The following MAGI3 variants were observed in gnomAD, a reference collection of about 807,000 sequenced individuals.
The protein encoded by MAGI3 is membrane-associated guanylate kinase, WW and PDZ domain-containing protein 3.
MAGI3 carries 43 observed loss-of-function variants against 121.8 expected under a neutral mutation model. The observed-to-expected ratio is 0.35, with a 90% CI of 0.28 to 0.46. The LOEUF (loss-of-function observed/expected upper bound fraction) is 0.46, where lower values mean the gene tolerates loss of function less well. Ranked by LOEUF, MAGI3 falls within the 20% of genes least tolerant of loss-of-function variation. The pLI is 1.00. For synonymous variants in MAGI3, 553 were observed against 639.3 expected (o/e 0.86, Z 2.04); for missense variants, 1,547 against 1,797.3 (o/e 0.86, Z 2.52).
At position 113,426,807 on chromosome 1, in the gene MAGI3, A is replaced by G. The variant is rs1360187022; in HGVS notation, c.316+35458A>G. ...TGGACCAAGTTCTTGTAGACAGCCT[A>G]TAGTTTGTTCATCTTTTTTGTATGC... On this transcript the variant is annotated intron_variant, in intron 1 of 20. Transcript: ENST00000307546. Among the ~76,000 whole-genome samples, 3 of 152,102 alleles carry G rather than the reference A, an allele frequency of 2.0e-5. 1 individual carries two copies. The highest frequency in any genetic ancestry group is 4.1e-4 in the South Asian group (2 of 4,830).
intron 6 of MAGI3, among the ~76,000 whole-genome samples, chr1:113,602,290 C>T (rs2101754530): frequency 6.6e-6 from 1 of 152,012 alleles, no homozygotes; most frequent in African/African-American, 2.4e-5. Context: ...TGGAATAAAA[C>T]TAGAAATCAA....
intron 7 of MAGI3, chr1:113,618,406 C>T (rs1650611382): frequency 2.8e-6 from 1 of 351,348 alleles, no homozygotes; most frequent in African/African-American, 2.3e-5. Context: ...TTTATATGTA[C>T]ATTTTGTAAT....
At chr1:113,404,331 A>C (rs1651562795) in intron 1 of MAGI3, 1 of 152,184 alleles carries the variant, frequency 6.6e-6, no homozygotes, top group Non-Finnish European at 1.5e-5. Flanking sequence ...TTTTGAAGTG[A>C]GTTGGCTGTA....
At chr1:113,521,043 A>G (rs973432493) in intron 1 of MAGI3, among the ~76,000 whole-genome samples, 10 of 151,432 alleles carry the variant, frequency 6.6e-5, no homozygotes, top group Non-Finnish European at 1.3e-4. Context: ...CATCACAAAC[A>G]TTTTAGTAAC....
rs770203824 is a variant in MAGI3, at chr1:113,683,317, G to A, written c.3749G>A (p.Arg1250Lys). Residue 1250 changes from arginine (R) to lysine (K), a missense_variant, in exon 21 of 21, where the codon AGA (arginine) becomes AAA (lysine). Transcript: ENST00000307546. ...PSPLKNNPKR[R>K]PRDQSLSPSK... ...CCTCTAAAAAATAACCCCAAAAGAAGACCCAGAGATCAATCCCTCAGCCCC... is the reference window on the plus strand; with the variant it reads ...CCTCTAAAAAATAACCCCAAAAGAAAACCCAGAGATCAATCCCTCAGCCCC... 5.6e-6 allele frequency: 9 copies of A among 1,612,796 alleles called. No individual in the cohort carries two copies. Among genetic ancestry groups the A allele is most frequent in the African/African-American group, 2.7e-5 (2 of 74,724 alleles).
At chr1:113,569,179 TAAAAG>T (rs1002307486) in intron 2 of MAGI3, among the ~76,000 whole-genome samples, 2 of 152,130 alleles carry the variant, frequency 1.3e-5, no homozygotes, top group Non-Finnish European at 2.9e-5. Flanking sequence ...GTAAATAAAA[TAAAAG>T]AACACAACTG....
chr1:113,457,699 G>A (rs1654825694), intron 1 of MAGI3, among the ~76,000 whole-genome samples: 1 of 151,688 alleles, frequency 6.6e-6, no homozygotes, highest in African/African-American at 2.4e-5. Flanking sequence ...AATAAGCTGT[G>A]TATAAATAAG....
At chr1:113,656,009 C>G (rs938723368) in intron 15 of MAGI3, among the ~76,000 whole-genome samples, 1 of 152,050 alleles carries the variant, frequency 6.6e-6, no homozygotes, top group African/African-American at 2.4e-5. Flanking sequence ...GGAAAGAAAG[C>G]CCAATTAAAA....
At chr1:113,578,259 C>A (rs1353915143) in intron 2 of MAGI3, among the ~76,000 whole-genome samples, 1 of 152,122 alleles carries the variant, frequency 6.6e-6, no homozygotes, top group African/African-American at 2.4e-5. Flanking sequence ...ACATCACAGC[C>A]TTTACATTAA....
At chr1:113,682,160 A>ATTTTTTTTTTTTTTTTTTTTTTT in intron 20 of MAGI3, 1 of 1,404,024 alleles carries the variant, frequency 7.1e-7, no homozygotes. Context: ...AACTGCACTG[A>ATTTTTTTTTTTTTTTTTTTTTTT]TTTTTTTTTT....
chr1:113,557,004 A>G (rs938191851), intron 2 of MAGI3, among the ~76,000 whole-genome samples: 1 of 152,254 alleles, frequency 6.6e-6, no homozygotes, highest in Non-Finnish European at 1.5e-5. Context: ...TATCTATTAA[A>G]GAAATTGAAT....
chr1:113,549,406 G>T, intron 1 of MAGI3, 109 bp from the exon 2 acceptor site: 2 of 565,588 alleles, frequency 3.5e-6, no homozygotes, highest in South Asian at 2.8e-5. Flanking sequence ...TCTTTATCCT[G>T]TTTATAGCTA....
At chr1:113,444,594 A>G (rs1654078074) in intron 1 of MAGI3, among the ~76,000 whole-genome samples, 1 of 152,204 alleles carries the variant, frequency 6.6e-6, no homozygotes, top group Admixed American at 6.5e-5. Context: ...CAAAAACAAT[A>G]AATAGAAATA....
At chr1:113,424,515 T>G (rs896194796) in intron 1 of MAGI3, among the ~76,000 whole-genome samples, 2 of 152,184 alleles carry the variant, frequency 1.3e-5, no homozygotes, top group African/African-American at 4.8e-5. Context: ...CTGTTTTCTA[T>G]TTCTATAATT....
intron 6 of MAGI3, among the ~76,000 whole-genome samples, chr1:113,597,251 T>C (rs1649075827): frequency 6.6e-6 from 1 of 152,178 alleles, no homozygotes; most frequent in African/African-American, 2.4e-5. Flanking sequence ...TTGTATGAAA[T>C]GTCCAGAATA....
At chr1:113,681,110 C>G in intron 19 of MAGI3, 88 bp from the exon 20 acceptor site, 1 of 1,479,668 alleles carries the variant, frequency 6.8e-7, no homozygotes, top group Non-Finnish European at 9.1e-7. Context: ...AATCACTTAG[C>G]AAGGTTGAAT....
intron 1 of MAGI3, among the ~76,000 whole-genome samples, chr1:113,415,848 T>A (rs1020370511): frequency 6.6e-6 from 1 of 151,938 alleles, no homozygotes; most frequent in Non-Finnish European, 1.5e-5. Context: ...TTTAAATGAG[T>A]GCGTTTTATA....
intron 1 of MAGI3, chr1:113,450,701 G>A: frequency 8.9e-7 from 1 of 1,124,888 alleles, no homozygotes; most frequent in South Asian, 1.2e-5. Context: ...ATCTGGTGGT[G>A]GAAGTGGTGG....
intron 1 of MAGI3, among the ~76,000 whole-genome samples, chr1:113,438,923 T>G (rs761839053): frequency 1.8e-4 from 27 of 152,328 alleles, no homozygotes; most frequent in Non-Finnish European, 3.2e-4. Flanking sequence ...CAGCATTCAA[T>G]TTCTTTTTCC....
Sources: gnomAD v4.1 joint callset for allele counts (sites outside exome capture counted in the v4.1 genomes callset) on GRCh38, gnomAD v4.1.1 for gene constraint, MANE v1.5 for transcripts, NCBI Gene and HGNC (gene_info 2026-07-23, HGNC 2026-07-21) for gene names.